Variants in CDH13 observed in about 807,000 individuals in gnomAD.
CDH13 encodes cadherin-13.
In CDH13, 24 loss-of-function variants were observed where a neutral mutation model predicts 63.8. The observed-to-expected ratio is 0.38, with a 90% CI of 0.27 to 0.53. CDH13 has a LOEUF of 0.53. CDH13 is among the 20% of genes least tolerant of loss of function. The pLI is 0.85. For synonymous variants in CDH13, 503 were observed against 355.3 expected (o/e 1.42, Z -4.67); for missense variants, 1,049 against 903.1 (o/e 1.16, Z -2.07).
intron 6 of CDH13, among the ~76,000 whole-genome samples, chr16:83,382,214 A>G (rs913635062): frequency 3.3e-5 from 5 of 152,216 alleles, no homozygotes; most frequent in African/African-American, 1.2e-4. Context: ...GCCATAAAGT[A>G]CTTAGCTTGC....
chr16:83,704,408 C>T (rs982324374), intron 10 of CDH13, among the ~76,000 whole-genome samples: 14 of 152,068 alleles, frequency 9.2e-5, no homozygotes, highest in African/African-American at 2.7e-4. Flanking sequence ...CCCTTACAAG[C>T]TTAGACTCGG....
chr16:82,824,757 CATAAG>C (rs1228195117), intron 1 of CDH13: 3 of 152,124 alleles, frequency 2.0e-5, no homozygotes, highest in African/African-American at 4.8e-5. Context: ...AATTAAAAAA[CATAAG>C]AGATGTATCA....
chr16:82,925,579 G>C (rs1249790029), intron 2 of CDH13, among the ~76,000 whole-genome samples: 10 of 152,226 alleles, frequency 6.6e-5, no homozygotes, highest in Non-Finnish European at 1.3e-4. Flanking sequence ...CATTGTGGCA[G>C]ATGAAGATCA....
At chr16:83,276,399 AC>A (rs1387427585) in intron 5 of CDH13, among the ~76,000 whole-genome samples, 7 of 152,166 alleles carry the variant, frequency 4.6e-5, no homozygotes, top group African/African-American at 1.7e-4. Context: ...ACTTGCAAGC[AC>A]CTTGAGCCAG....
chr16:83,051,104 C>G (rs1402779714), intron 3 of CDH13, among the ~76,000 whole-genome samples: 2 of 152,272 alleles, frequency 1.3e-5, no homozygotes, highest in Non-Finnish European at 2.9e-5. Flanking sequence ...CTGTTACTAT[C>G]TAATTGACTT....
chr16:82,830,487 G>A (rs1444667631), intron 1 of CDH13, among the ~76,000 whole-genome samples: 1 of 152,162 alleles, frequency 6.6e-6, no homozygotes, highest in African/African-American at 2.4e-5. Flanking sequence ...GAACAAATGG[G>A]GAGTGATACA....
At chr16:82,653,627 C>T (rs1385347106) in intron 1 of CDH13, among the ~76,000 whole-genome samples, 1 of 151,954 alleles carries the variant, frequency 6.6e-6, no homozygotes, top group Non-Finnish European at 1.5e-5. Flanking sequence ...TGCAGGGCTG[C>T]AGGGGTAGGA....
intron 8 of CDH13, among the ~76,000 whole-genome samples, chr16:83,650,863 A>G (rs1341708299): frequency 6.6e-6 from 1 of 152,144 alleles, no homozygotes; most frequent in Non-Finnish European, 1.5e-5. Context: ...GCCTAAGGCC[A>G]GGAGTTCAAG....
chr16:82,676,078 A>C (rs1913866131), intron 1 of CDH13, among the ~76,000 whole-genome samples: 1 of 152,236 alleles, frequency 6.6e-6, no homozygotes, highest in Non-Finnish European at 1.5e-5. Flanking sequence ...GCAACATTCT[A>C]GGTGCTTTGT....
At chr16:83,202,471 G>A (rs552784252) in intron 4 of CDH13, among the ~76,000 whole-genome samples, 29 of 152,132 alleles carry the variant, frequency 1.9e-4, no homozygotes, top group South Asian at 4.1e-4. Flanking sequence ...AGACAGTAGC[G>A]GCTTCACAGA....
chr16:82,774,018 C>T (rs552176091), intron 1 of CDH13, among the ~76,000 whole-genome samples: 5 of 152,146 alleles, frequency 3.3e-5, no homozygotes, highest in South Asian at 2.1e-4. Flanking sequence ...CTCCTGACCT[C>T]GTGATCCACC....
At chr16:83,295,098 T>C (rs2089559648) in intron 5 of CDH13, among the ~76,000 whole-genome samples, 1 of 152,082 alleles carries the variant, frequency 6.6e-6, no homozygotes, top group African/African-American at 2.4e-5. Flanking sequence ...CCAACTAATT[T>C]CCAGCATAGT....
At position 83,661,679 on chromosome 16, in the gene CDH13, T is replaced by C. The variant is rs568834034; in HGVS notation, c.1102-9111T>C. 3.9e-5 allele frequency among the ~76,000 whole-genome samples: 6 copies of C among 152,312 alleles called. No homozygotes were observed. The South Asian group carries it at 1.0e-3, about 26-fold the overall frequency. ...GTTTTGCATATGTGCAGTTCTGTAT[T>C]TGGTGTAGACAGGGTCATGTAGAGG... On this transcript the variant is annotated intron_variant, in intron 8 of 13. Transcript: ENST00000567109.
chr16:83,661,374 T>C (rs577857526), intron 8 of CDH13, among the ~76,000 whole-genome samples: 1 of 151,798 alleles, frequency 6.6e-6, no homozygotes, highest in South Asian at 2.1e-4. Flanking sequence ...ACCCAGCTAC[T>C]AGGGATGCTG....
chr16:83,729,655 T>C (rs1219382835), intron 10 of CDH13, among the ~76,000 whole-genome samples: 1 of 152,328 alleles, frequency 6.6e-6, no homozygotes, highest in African/African-American at 2.4e-5. Context: ...AATGGGTCAG[T>C]AATCCCACCC....
At chr16:82,773,687 G>A (rs1018248983) in intron 1 of CDH13, among the ~76,000 whole-genome samples, 1 of 152,114 alleles carries the variant, frequency 6.6e-6, no homozygotes, top group African/African-American at 2.4e-5. Flanking sequence ...TGAAGTAACT[G>A]ACCTGAAGCA....
chr16:82,855,362 A>G (rs1293921102), intron 1 of CDH13, among the ~76,000 whole-genome samples: 4 of 152,120 alleles, frequency 2.6e-5, no homozygotes, highest in Non-Finnish European at 5.9e-5. Flanking sequence ...TATGCTGAGG[A>G]TTCTGGGAGA....
chr16:82,643,807 A>T lies in CDH13; in HGVS notation c.45+16670A>T, dbSNP rs559059480. 5.9e-5 allele frequency among the ~76,000 whole-genome samples: 9 copies of T among 152,182 alleles called. No homozygotes were observed. In the South Asian group the frequency reaches 1.9e-3, roughly 32 times the overall value. ...GCCCAGGCTGGATTGCAGTGGTGCA[A>T]TCATAGCTAACTGCAGCCTTGACCA... On this transcript the variant is annotated intron_variant, in intron 1 of 13. Transcript: ENST00000567109.
At chr16:83,476,335 T>C (rs951672540) in intron 6 of CDH13, among the ~76,000 whole-genome samples, 2 of 152,170 alleles carry the variant, frequency 1.3e-5, no homozygotes, top group South Asian at 2.1e-4. Flanking sequence ...ATACCCCTCA[T>C]TGAAAACCAC....
Sources: gnomAD v4.1 joint callset for allele counts (sites outside exome capture counted in the v4.1 genomes callset) on GRCh38, gnomAD v4.1.1 for gene constraint, MANE v1.5 for transcripts, NCBI Gene and HGNC (gene_info 2026-07-23, HGNC 2026-07-21) for gene names.